Variants in PRKN observed in about 807,000 individuals in gnomAD.
The protein encoded by PRKN is parkin RBR E3 ubiquitin protein ligase.
Under a neutral mutation model 59.5 loss-of-function variants are expected in PRKN, and 56 were observed. The ratio of observed to expected loss-of-function variants is 0.94; its 90% CI spans 0.76 to 1.18. The LOEUF (loss-of-function observed/expected upper bound fraction) is 1.18, where lower values mean the gene tolerates loss of function less well. Among genes scored for constraint, PRKN ranks in the 50% most tolerant of loss-of-function variants. The pLI, the probability that PRKN is intolerant of heterozygous loss-of-function variation, is 0.00. For missense variants in PRKN, 657 were observed against 596.4 expected (o/e 1.10, Z -1.06); for synonymous variants, 250 against 222.1 (o/e 1.13, Z -1.12).
chr6:161,799,228 G>T (rs891719783), intron 6 of PRKN, among the ~76,000 whole-genome samples: 9 of 152,182 alleles, frequency 5.9e-5, no homozygotes, highest in Non-Finnish European at 1.3e-4. Flanking sequence ...CAAACACAGG[G>T]CTATCTTTCT....
At chr6:161,403,830 A>G (rs1473661339) in intron 9 of PRKN, among the ~76,000 whole-genome samples, 1 of 152,148 alleles carries the variant, frequency 6.6e-6, no homozygotes, top group East Asian at 1.9e-4. Flanking sequence ...GGAGTGGGTT[A>G]CTGTGGGAGG....
chr6:161,725,063 C>T (rs1038071242), intron 7 of PRKN, among the ~76,000 whole-genome samples: 3 of 152,168 alleles, frequency 2.0e-5, no homozygotes, highest in Non-Finnish European at 2.9e-5. Context: ...GTCAAAGTTC[C>T]TTGAGGCCTC....
chr6:162,221,962 T>C (rs1404565804), intron 3 of PRKN, among the ~76,000 whole-genome samples: 2 of 152,194 alleles, frequency 1.3e-5, no homozygotes, highest in East Asian at 3.9e-4. Context: ...TAACAGTTAA[T>C]ACACTTTCTA....
rs112558225 is a variant in PRKN, at chr6:161,551,358, G to A, written c.934-2355C>T. Among the ~76,000 whole-genome samples the A allele has an allele frequency of 2.0e-5, 3 of 152,174 alleles. No homozygotes were observed. Among genetic ancestry groups the A allele is most frequent in the Non-Finnish European group, 4.4e-5 (3 of 68,044 alleles). Reference sequence around the variant, plus strand: ...ATTACCTGCATCCTTGAAATTATTCGTAAAGCTCGACACTAGGTTAGATCT... The same window carrying A: ...ATTACCTGCATCCTTGAAATTATTCATAAAGCTCGACACTAGGTTAGATCT... On this transcript the variant is annotated intron_variant, in intron 8 of 11. Transcript: ENST00000366898. The surrounding 1 kb of genome is among the most constrained non-coding windows in gnomAD (Gnocchi z 5.2).
At chr6:162,146,514 T>A (rs893140375) in intron 4 of PRKN, among the ~76,000 whole-genome samples, 1 of 140,246 alleles carries the variant, frequency 7.1e-6, no homozygotes, top group African/African-American at 2.5e-5. Flanking sequence ...ATATATAAAT[T>A]TTTTTTTTCT....
chr6:161,785,957 A>G (rs1245403809), intron 6 of PRKN, 49 bp from the exon 7 acceptor site: 5 of 1,605,252 alleles, frequency 3.1e-6, no homozygotes, highest in South Asian at 2.2e-5. Flanking sequence ...CAGTGTGGAA[A>G]GGCAGCACGT....
intron 2 of PRKN, among the ~76,000 whole-genome samples, chr6:162,338,441 A>G (rs1783953699): frequency 6.6e-6 from 1 of 152,016 alleles, no homozygotes; most frequent in Non-Finnish European, 1.5e-5. Flanking sequence ...TTTGGTGGAG[A>G]CGGGGTTTTG....
In PRKN at chr6:161,457,723, G is replaced by C. The variant is rs776369369; in HGVS notation, c.1084-70846C>G. On this transcript the variant is annotated intron_variant, in intron 9 of 11. Transcript: ENST00000366898. The surrounding 1 kb of genome is among the most constrained non-coding windows in gnomAD (Gnocchi z 5.0). ...GGTACAAACGTGTCTCTAGAGAAGA[G>C]ACTGGTTCTGAAAATAGGGAGAATG... 1.3e-5 allele frequency among the ~76,000 whole-genome samples: 2 copies of C among 152,230 alleles called. No individual in the cohort carries two copies. Among genetic ancestry groups the C allele is most frequent in the Admixed American group, 6.5e-5 (1 of 15,284 alleles).
At chr6:161,913,071 G>T (rs1471018083) in intron 6 of PRKN, among the ~76,000 whole-genome samples, 1 of 151,604 alleles carries the variant, frequency 6.6e-6, no homozygotes, top group Non-Finnish European at 1.5e-5. Context: ...CTCCCAGGGA[G>T]GCTGAGGCAG....
intron 7 of PRKN, among the ~76,000 whole-genome samples, chr6:161,572,704 T>G (rs1390323303): frequency 6.7e-6 from 1 of 149,596 alleles, no homozygotes; most frequent in Non-Finnish European, 1.5e-5. Context: ...AGTGAATATT[T>G]TACTGGAAAA....
intron 4 of PRKN, among the ~76,000 whole-genome samples, chr6:162,184,893 A>G (rs577720514): frequency 1.3e-5 from 2 of 152,254 alleles, no homozygotes; most frequent in Admixed American, 1.3e-4. Flanking sequence ...CTTTTTAACA[A>G]TACGAGTTTC....
At chr6:162,481,954 T>C (rs1792328499) in intron 1 of PRKN, among the ~76,000 whole-genome samples, 1 of 152,154 alleles carries the variant, frequency 6.6e-6, no homozygotes, top group African/African-American at 2.4e-5. Flanking sequence ...CTGAAAAAAA[T>C]ACCAAAGGAG....
chr6:161,619,784 G>T (rs1782826538), intron 7 of PRKN, among the ~76,000 whole-genome samples: 1 of 152,070 alleles, frequency 6.6e-6, no homozygotes, highest in African/African-American at 2.4e-5. Context: ...AGAGGACTGT[G>T]AAATACATGC....
intron 1 of PRKN, among the ~76,000 whole-genome samples, chr6:162,555,187 G>A (rs1229627508): frequency 6.6e-6 from 1 of 151,968 alleles, no homozygotes; most frequent in Non-Finnish European, 1.5e-5. Flanking sequence ...ATACAAAGAG[G>A]AATATATAGA....
chr6:162,121,140 T>C (rs1780896178), intron 4 of PRKN, among the ~76,000 whole-genome samples: 1 of 152,172 alleles, frequency 6.6e-6, no homozygotes, highest in African/African-American at 2.4e-5. Context: ...TGATGTCAAC[T>C]CTCCTGCTCT....
chr6:162,399,063 T>TC (rs1787629896), intron 2 of PRKN, among the ~76,000 whole-genome samples: 1 of 152,140 alleles, frequency 6.6e-6, no homozygotes, highest in African/African-American at 2.4e-5. Context: ...CTAGGGAAAC[T>TC]TCCATCAACA....
Position 161,456,044 on chromosome 6 carries a change from C to T in PRKN, c.1084-69167G>A, listed in dbSNP as rs758910844. Among the ~76,000 whole-genome samples, 10 of 152,060 alleles carry T rather than the reference C, an allele frequency of 6.6e-5. No individual in the cohort carries two copies. The highest frequency in any genetic ancestry group is 1.3e-4 in the Non-Finnish European group (9 of 68,020). ...ATGTTTTCCTAAGGAGAACGTTGGC[C>T]TCTAGGGGAAGCAAAGGGCTCCTGT... is the stretch of plus-strand genomic sequence containing the variant. On this transcript the variant is annotated intron_variant, in intron 9 of 11. Coordinates refer to ENST00000366898, the MANE Select transcript of PRKN (RefSeq NM_004562.3). The surrounding 1 kb of genome is among the most constrained non-coding windows in gnomAD (Gnocchi z 4.8).
At chr6:161,762,417 T>G (rs2128199019) in intron 7 of PRKN, among the ~76,000 whole-genome samples, 1 of 152,136 alleles carries the variant, frequency 6.6e-6, no homozygotes, top group African/African-American at 2.4e-5. Context: ...CCCAGAAGGG[T>G]TAAGTCAGGG....
rs369200588 is a variant in PRKN at position 161,941,033 on chromosome 6, G to T, written c.734+32269C>A. 1.8e-4 allele frequency among the ~76,000 whole-genome samples: 28 copies of T among 152,362 alleles called. No homozygotes were observed. The East Asian group carries it at 2.1e-3, about 12-fold the overall frequency. On this transcript the variant is annotated intron_variant, in intron 6 of 11. Transcript: ENST00000366898. ...ATATGGAAGTGCTGGGAAGGGAATG[G>T]CATGGTCGCTTTAACCAATATGGAA...
Sources: gnomAD v4.1 joint callset for allele counts (sites outside exome capture counted in the v4.1 genomes callset) on GRCh38, gnomAD v4.1.1 for gene constraint, Gnocchi (gnomAD v3.1) non-coding constraint, MANE v1.5 for transcripts, NCBI Gene and HGNC (gene_info 2026-07-23, HGNC 2026-07-21) for gene names.